The following CLMP variants were observed in gnomAD, a reference collection of about 807,000 sequenced individuals.
The protein encoded by CLMP is CXADR like cell adhesion molecule.
A neutral mutation model predicts 45.2 loss-of-function variants in CLMP; 27 were observed. The observed-to-expected ratio is 0.60, with a 90% CI of 0.44 to 0.82. The LOEUF (loss-of-function observed/expected upper bound fraction) is 0.82, where lower values mean the gene tolerates loss of function less well. CLMP is among the 40% of genes least tolerant of loss of function. CLMP has a pLI of 0.00. For missense variants in CLMP, 403 were observed against 448.4 expected, an observed-to-expected ratio of 0.90 and a Z score of 0.91; for synonymous variants, 167 against 171.4, an observed-to-expected ratio of 0.97 and a Z score of 0.20.
At chr11:123,111,428 G>A (rs1181986717) in intron 1 of CLMP, among the ~76,000 whole-genome samples, 1 of 152,112 alleles carries the variant, frequency 6.6e-6, no homozygotes, top group African/African-American at 2.4e-5. Context: ...ACCATGCCCG[G>A]CCATAGTTTT....
At chr11:123,084,476 T>C (rs1865841304) in intron 3 of CLMP, 36 bp downstream of exon 3, 1 of 1,545,710 alleles carries the variant, frequency 6.5e-7, no homozygotes, top group African/African-American at 1.4e-5. Flanking sequence ...ACCTTAGAAA[T>C]AAGCTGTAGA....
intron 1 of CLMP, among the ~76,000 whole-genome samples, chr11:123,108,575 G>C (rs1051750354): frequency 1.3e-5 from 2 of 151,928 alleles, no homozygotes; most frequent in African/African-American, 4.8e-5. Context: ...GGGAGGAGAA[G>C]GATGGGGAAA....
chr11:123,163,879 G>T (rs899232872), intron 1 of CLMP, among the ~76,000 whole-genome samples: 1 of 152,120 alleles, frequency 6.6e-6, no homozygotes, highest in Non-Finnish European at 1.5e-5. Flanking sequence ...CTTAAATTTC[G>T]AATCTTTACT....
chr11:123,115,563 T>C (rs568105667), intron 1 of CLMP, among the ~76,000 whole-genome samples: 156 of 152,162 alleles, frequency 1.0e-3, no homozygotes, highest in African/African-American at 3.4e-3. Flanking sequence ...TTCCATTCTA[T>C]ATGATTCCAG....
intron 2 of CLMP, among the ~76,000 whole-genome samples, chr11:123,097,306 C>T (rs1259510434): frequency 1.3e-5 from 2 of 152,062 alleles, no homozygotes; most frequent in African/African-American, 4.8e-5. Flanking sequence ...GCTGACACTA[C>T]AGATATGTGC....
At position 123,097,794 on chromosome 11, in the gene CLMP, C is replaced by T. The variant is rs768030215; in HGVS notation, c.186+1G>A. 7 of 1,585,066 alleles carry T rather than the reference C, an allele frequency of 4.4e-6. No homozygotes were observed. Among genetic ancestry groups the T allele is most frequent in the Non-Finnish European group, 6.0e-6 (7 of 1,163,908 alleles). ...GGGACTCCAGCCAGGTGTCTACTTACCACTTTTTGGTTCCCTTCATTATCG... is the reference window on the plus strand; with the variant it reads ...GGGACTCCAGCCAGGTGTCTACTTATCACTTTTTGGTTCCCTTCATTATCG... On this transcript the variant is annotated splice_donor_variant, in intron 2 of 6. Coordinates refer to ENST00000448775, the MANE Select transcript of CLMP (RefSeq NM_024769.5). LOFTEE classifies it high-confidence loss of function.
intron 1 of CLMP, among the ~76,000 whole-genome samples, chr11:123,153,497 C>A (rs371977755): frequency 5.3e-5 from 8 of 152,090 alleles, no homozygotes; most frequent in Non-Finnish European, 1.0e-4. Context: ...CTAAGGTGGG[C>A]GGCAGCATTC....
intron 1 of CLMP, among the ~76,000 whole-genome samples, chr11:123,184,435 C>T (rs189090290): frequency 2.0e-4 from 30 of 152,312 alleles, no homozygotes; most frequent in Middle Eastern, 3.4e-3. Flanking sequence ...TTTCTGTGCT[C>T]ATTAGCTGAC....
intron 1 of CLMP, among the ~76,000 whole-genome samples, chr11:123,140,750 C>T (rs1861142724): frequency 6.6e-6 from 1 of 152,114 alleles, no homozygotes; most frequent in South Asian, 2.1e-4. Context: ...TGTACAGTGG[C>T]CTCTATTCCC....
chr11:123,137,084 G>A (rs1368090927), intron 1 of CLMP, among the ~76,000 whole-genome samples: 1 of 149,882 alleles, frequency 6.7e-6, no homozygotes, highest in Non-Finnish European at 1.5e-5. Context: ...GAAACCAAAT[G>A]AACCTTCCAC....
At chr11:123,141,975 TC>T (rs1713369962) in intron 1 of CLMP, among the ~76,000 whole-genome samples, 1 of 131,892 alleles carries the variant, frequency 7.6e-6, no homozygotes. Context: ...CTAACCAAAA[TC>T]CCCCCAGCCT....
intron 1 of CLMP, among the ~76,000 whole-genome samples, chr11:123,143,956 GCAC>G: frequency 6.6e-6 from 1 of 152,058 alleles, no homozygotes. Context: ...CTACAGGTGT[GCAC>G]CACCACTCTT....
intron 1 of CLMP, among the ~76,000 whole-genome samples, chr11:123,131,825 A>G (rs1438588987): frequency 2.6e-5 from 4 of 152,088 alleles, no homozygotes; most frequent in South Asian, 2.1e-4. Context: ...CATGTTGGCC[A>G]GGCTGGTTTC....
rs183984476 is a variant in CLMP, at chr11:123,193,425, T to G, written c.28+1488A>C. Among the ~76,000 whole-genome samples the G allele has an allele frequency of 1.5e-3, 232 of 152,364 alleles. 1 individual carries two copies. Among genetic ancestry groups the G allele is most frequent in the African/African-American group, 5.3e-3 (219 of 41,590 alleles). On this transcript the variant is annotated intron_variant, in intron 1 of 6. Transcript: ENST00000448775. ...TTCATTCTACTAAATATCTGGTGAT[T>G]GGTAACCTAGTGGTAGAGTCCAGTA...
At chr11:123,086,915 T>G (rs148477215) in intron 2 of CLMP, among the ~76,000 whole-genome samples, 3 of 152,014 alleles carry the variant, frequency 2.0e-5, no homozygotes, top group Admixed American at 1.3e-4. Flanking sequence ...AAAATGTAAC[T>G]GGGTGCGGTG....
At chr11:123,177,995 T>G (rs1378486337) in intron 1 of CLMP, among the ~76,000 whole-genome samples, 1 of 152,130 alleles carries the variant, frequency 6.6e-6, no homozygotes, top group African/African-American at 2.4e-5. Context: ...CCAGAGGAGC[T>G]GGGATTACAG....
chr11:123,104,872 C>A (rs1178697485), intron 1 of CLMP, among the ~76,000 whole-genome samples: 2 of 152,210 alleles, frequency 1.3e-5, no homozygotes, highest in Non-Finnish European at 2.9e-5. Flanking sequence ...GAGGAGATTG[C>A]ACCCCAGAGA....
At chr11:123,090,195 C>T (rs190010360) in intron 2 of CLMP, among the ~76,000 whole-genome samples, 4 of 151,536 alleles carry the variant, frequency 2.6e-5, no homozygotes, top group South Asian at 4.2e-4. Context: ...CCTCTAATCT[C>T]AGCACTTTGG....
chr11:123,073,645 T>C lies in CLMP; in HGVS notation c.951A>G (p.Thr317=). 1 of 1,614,240 alleles carries C rather than the reference T, an allele frequency of 6.2e-7. No individual in the cohort carries two copies. Among genetic ancestry groups the C allele is most frequent in the Non-Finnish European group, 8.5e-7 (1 of 1,180,040 alleles). The change falls in exon 7 of 7, where the codon ACA becomes ACG. Residue 317 remains threonine, a synonymous_variant. Coordinates refer to ENST00000448775, the MANE Select transcript of CLMP (RefSeq NM_024769.5). ...GCTGGGGTGCTGCGTCAGTTGACAG[T>C]GTCCGCTGGCTGCGTGAGGCACTAT... ...TANSASRSQR[T]LSTDAAPQPG...
Sources: gnomAD v4.1 joint callset for allele counts (sites outside exome capture counted in the v4.1 genomes callset) on GRCh38, gnomAD v4.1.1 for gene constraint, MANE v1.5 for transcripts, NCBI Gene and HGNC (gene_info 2026-07-23, HGNC 2026-07-21) for gene names.